RPL30: variants seen among roughly 807,000 people sequenced by gnomAD.
RPL30 encodes the protein large ribosomal subunit protein eL30.
For synonymous variants in RPL30, 40 were observed against 50.4 expected (o/e 0.79, Z 0.87); for missense variants, 60 against 138.0 (o/e 0.43, Z 2.83).
At chr8:98,043,401 C>T (rs1024478110) in intron 3 of RPL30, 1 of 148,562 alleles carries the variant, frequency 6.7e-6, no homozygotes, top group Non-Finnish European at 1.5e-5. Flanking sequence ...GCTGGGATTA[C>T]AGGTGTGAGC....
intron 3 of RPL30, chr8:98,043,794 A>G (rs1011842526): frequency 2.0e-5 from 3 of 152,100 alleles, no homozygotes; most frequent in Admixed American, 6.5e-5. Context: ...ACATACCAGC[A>G]ATAGTGCTAC....
rs763756194 is a variant in RPL30, at chr8:98,042,652, A to G, written c.291T>C (p.Ile97=). 1 of 1,607,698 alleles carries G rather than the reference A, an allele frequency of 6.2e-7. No individual in the cohort carries two copies. The highest frequency in any genetic ancestry group is 1.3e-5 in the African/African-American group (1 of 74,538). The change falls in exon 4 of 5, where the codon ATT becomes ATC. Residue 97 remains isoleucine (I), a synonymous_variant. Transcript: ENST00000287038. ...KYYRVCTLAI[I]DPGDSDIIRS... ...ATGATTTAAAAAGCATACCTGGATCAATGATAGCCAGTGTGCACACTCTGT... is the reference window on the plus strand; with the variant it reads ...ATGATTTAAAAAGCATACCTGGATCGATGATAGCCAGTGTGCACACTCTGT...
chr8:98,044,641 G>A (rs1814442920), intron 3 of RPL30: 1 of 322,262 alleles, frequency 3.1e-6, no homozygotes, highest in African/African-American at 2.2e-5. Context: ...AACCAAAAAA[G>A]CAGGACACAA....
chr8:98,042,406 C>A (rs984335894), intron 4 of RPL30: 1 of 464,170 alleles, frequency 2.2e-6, no homozygotes, highest in African/African-American at 2.0e-5. Flanking sequence ...TTCATAGGTA[C>A]TTCATCAAAT....
chr8:98,041,990 C>A, intron 4 of RPL30, 140 bp from the exon 5 acceptor site: 1 of 724,240 alleles, frequency 1.4e-6, no homozygotes. Flanking sequence ...AAAGTTATCA[C>A]ATTAGCTGTA....
intron 3 of RPL30, chr8:98,043,028 G>A (rs867663969): frequency 6.6e-6 from 2 of 303,702 alleles, no homozygotes; most frequent in Non-Finnish European, 1.2e-5. Context: ...CAATACTCAC[G>A]GAAGAGGGTA....
At chr8:98,042,276 T>C in intron 4 of RPL30, 1 of 461,434 alleles carries the variant, frequency 2.2e-6, no homozygotes, top group Non-Finnish European at 4.1e-6. Context: ...TTTTTGGCAC[T>C]TTTTTTTTTC....
intron 4 of RPL30, 176 bp downstream of exon 4, chr8:98,042,469 A>C: frequency 1.7e-6 from 1 of 602,356 alleles, no homozygotes; most frequent in East Asian, 3.0e-5. Context: ...GCCAATTATA[A>C]TGTATTGGCA....
At chr8:98,045,163 A>G in intron 2 of RPL30, 75 bp from the exon 3 acceptor site, 2 of 1,573,298 alleles carry the variant, frequency 1.3e-6, no homozygotes, top group South Asian at 1.2e-5. Flanking sequence ...AGCTTTTTGA[A>G]GCCGAGCCCC....
chr8:98,042,959 G>T, intron 3 of RPL30, 184 bp from the exon 4 acceptor site: 1 of 502,978 alleles, frequency 2.0e-6, no homozygotes, highest in Non-Finnish European at 3.4e-6. Context: ...TGTATCCCTT[G>T]CAAGTGAAGG....
intron 4 of RPL30, chr8:98,042,323 GA>G: frequency 2.3e-6 from 1 of 439,590 alleles, no homozygotes; most frequent in Non-Finnish European, 4.3e-6. Flanking sequence ...CAAGAAGCAA[GA>G]ATTACTTTCT....
intron 4 of RPL30, chr8:98,042,423 C>A: frequency 4.1e-6 from 2 of 491,746 alleles, no homozygotes; most frequent in South Asian, 4.3e-5. Context: ...AAATGAAATT[C>A]ATTATCTGAC....
chr8:98,044,899 G>A (rs769323537), intron 3 of RPL30, 44 bp downstream of exon 3: 3 of 1,597,546 alleles, frequency 1.9e-6, no homozygotes, highest in East Asian at 2.2e-5. Flanking sequence ...ATTCGTTCAC[G>A]ATGAATTCGC....
Position 98,041,852 on chromosome 8 carries a change from TA to T in RPL30, c.299-3del. ...TGCTTCTAATGATGTCAGAGTCACCTAAAAAATAAAAATAAAAAAACAGTAA... is the reference window on the plus strand; with the variant it reads ...TGCTTCTAATGATGTCAGAGTCACCTAAAAATAAAAATAAAAAAACAGTAA... On this transcript the variant is annotated splice_polypyrimidine_tract_variant and splice_region_variant and intron_variant, in intron 4 of 4. Coordinates refer to ENST00000287038, the MANE Select transcript of RPL30 (RefSeq NM_000989.4). The T allele has an allele frequency of 6.3e-7, 1 of 1,581,854 alleles. No individual in the cohort carries two copies.
In RPL30 at chr8:98,045,514, CA is replaced by C. The variant is rs1416450879; in HGVS notation, c.-40del. The C allele has an allele frequency of 4.4e-5, 34 of 764,580 alleles. No homozygotes were observed. In the Middle Eastern group the frequency reaches 1.9e-3, roughly 42 times the overall value. The allele number at this position is 764,580 out of a possible 1,614,324, so 47.4% of individuals were successfully genotyped here. On this transcript the variant is annotated 5_prime_UTR_variant, in exon 1 of 5. Coordinates refer to ENST00000287038, the MANE Select transcript of RPL30 (RefSeq NM_000989.4). ...TCGGTAGGAGCCCACTCACCAACAG[CA>C]GCCGCTAAGATGGCCGGGGAACGAG...
chr8:98,045,337 C>T lies in RPL30; in HGVS notation c.21+10G>A, dbSNP rs138167986. ...TGAATCGTCTTCCGGGCCTGGCCCG[C>T]CTCACTCACCGTCTTCTTTGCGGCC... On this transcript the variant is annotated intron_variant, in intron 2 of 4. Transcript: ENST00000287038. The T allele has an allele frequency of 3.7e-6, 6 of 1,614,044 alleles. No individual in the cohort carries two copies. The Admixed American group carries it at 1.0e-4, about 27-fold the overall frequency.
At chr8:98,043,823 A>G (rs1965914) in intron 3 of RPL30, 112,494 of 152,070 alleles carry the variant, frequency 0.74, 42,282 homozygotes, top group African/African-American at 0.83. Flanking sequence ...AGTTAAAAAA[A>G]CACCTCAAGC....
chr8:98,041,828 G>A lies in RPL30; in HGVS notation c.321C>T (p.Ser107=). The A allele has an allele frequency of 6.2e-7, 1 of 1,603,158 alleles. No individual in the cohort carries two copies. Among genetic ancestry groups the A allele is most frequent in the Non-Finnish European group, 8.5e-7 (1 of 1,174,452 alleles). ...ACTTTTCACCAGTCTGTTCTGGCAT[G>A]CTTCTAATGATGTCAGAGTCACCTA... The part of the protein sequence containing the change: ...IDPGDSDIIR[S]MPEQTGEK Residue 107 remains serine (S), a synonymous_variant, in exon 5 of 5, where the codon AGC becomes AGT. Transcript: ENST00000287038.
chr8:98,042,756 A>G lies in RPL30; in HGVS notation c.187T>C (p.Tyr63His), dbSNP rs777991287. ...ACACCAGTTTTAGCCAACATAGCAT[A>G]GTACTCTATTTCAGATTTCCTTTGG... ...PALRKSEIEY[Y>H]AMLAKTGVHH... Residue 63 changes from tyrosine (Y) to histidine (H), a missense_variant, in exon 4 of 5, where the codon TAT becomes CAT. Tyr to His is a moderately conservative substitution (Grantham distance 83, BLOSUM62 2). Coordinates refer to ENST00000287038, the MANE Select transcript of RPL30 (RefSeq NM_000989.4). The G allele has an allele frequency of 1.3e-6, 2 of 1,573,110 alleles. No homozygotes were observed. The highest frequency in any genetic ancestry group is 1.7e-6 in the Non-Finnish European group (2 of 1,165,972).
Sources: gnomAD v4.1 joint callset for allele counts on GRCh38, gnomAD v4.1.1 for gene constraint, MANE v1.5 for transcripts, NCBI Gene and HGNC (gene_info 2026-07-23, HGNC 2026-07-21) for gene names.